Variants in AKR1D1 observed in about 807,000 individuals in gnomAD.
The protein encoded by AKR1D1 is delta(4)-3-ketosteroid 5-beta-reductase.
In AKR1D1, 32 loss-of-function variants were observed where a neutral mutation model predicts 42.6. That is an observed-to-expected ratio of 0.75 (90% CI 0.57 to 1.01). The LOEUF (loss-of-function observed/expected upper bound fraction) is 1.01, where lower values mean the gene tolerates loss of function less well. AKR1D1 is among the 50% of genes least tolerant of loss of function. The probability of loss-of-function intolerance (pLI) is 0.00; values close to 1 mark genes in which losing one functional copy is unlikely to be tolerated. For missense variants in AKR1D1, 364 were observed against 402.2 expected (o/e 0.91, Z 0.81); for synonymous variants, 123 against 135.5 (o/e 0.91, Z 0.64).
intron 6 of AKR1D1, chr7:138,107,165 A>G: frequency 3.1e-6 from 2 of 645,048 alleles, no homozygotes. Flanking sequence ...TCTCTCTATA[A>G]GACTCATCAA....
At chr7:138,096,330 A>C (rs914836136) in intron 3 of AKR1D1, among the ~76,000 whole-genome samples, 1 of 152,194 alleles carries the variant, frequency 6.6e-6, no homozygotes, top group Admixed American at 6.5e-5. Context: ...ATTGGCTCAA[A>C]GTTCTAGAAG....
At chr7:138,096,085 G>A (rs1376174413) in intron 3 of AKR1D1, among the ~76,000 whole-genome samples, 1 of 151,840 alleles carries the variant, frequency 6.6e-6, no homozygotes, top group Non-Finnish European at 1.5e-5. Flanking sequence ...CACACCTGTA[G>A]TCCCAGCTGC....
intron 3 of AKR1D1, among the ~76,000 whole-genome samples, chr7:138,093,137 C>T (rs868786086): frequency 4.7e-5 from 7 of 149,490 alleles, no homozygotes; most frequent in Admixed American, 6.7e-5. Flanking sequence ...GGTGCCATCT[C>T]GGCTCACTGC....
intron 1 of AKR1D1, among the ~76,000 whole-genome samples, chr7:138,080,647 T>C (rs1333814462): frequency 3.9e-5 from 6 of 152,198 alleles, no homozygotes; most frequent in Non-Finnish European, 8.8e-5. Flanking sequence ...ACTCTAGGGA[T>C]TTCCTGTCTA....
rs1794641113 is a variant in AKR1D1, at chr7:138,116,700, A to T, written c.*38A>T. The T allele has an allele frequency of 1.3e-6, 2 of 1,594,194 alleles. No homozygotes were observed. The highest frequency in any genetic ancestry group is 2.2e-5 in the South Asian group (2 of 90,726). On this transcript the variant is annotated 3_prime_UTR_variant, in exon 9 of 9. Coordinates refer to ENST00000242375, the MANE Select transcript of AKR1D1 (RefSeq NM_005989.4). Reference sequence around the variant, plus strand: ...CCTGAACAGATTTTTCACTCCCACGAGTGCCAAGACGGTGCAATGGGTAGT... The same window carrying T: ...CCTGAACAGATTTTTCACTCCCACGTGTGCCAAGACGGTGCAATGGGTAGT...
chr7:138,107,239 C>T, intron 6 of AKR1D1, 176 bp from the exon 7 acceptor site: 1 of 783,000 alleles, frequency 1.3e-6, no homozygotes, highest in Non-Finnish European at 2.3e-6. Context: ...TCTTCCCATA[C>T]TACGAGTAAC....
chr7:138,112,658 A>G (rs1030370830), intron 7 of AKR1D1, among the ~76,000 whole-genome samples: 7 of 152,070 alleles, frequency 4.6e-5, no homozygotes, highest in Non-Finnish European at 1.0e-4. Context: ...GGGTCTATGT[A>G]CTTCTACAGT....
intron 3 of AKR1D1, among the ~76,000 whole-genome samples, chr7:138,093,844 G>A (rs1794134973): frequency 6.6e-6 from 1 of 152,220 alleles, no homozygotes; most frequent in African/African-American, 2.4e-5. Context: ...CAGTTGGTTT[G>A]TTTACACCAG....
chr7:138,077,098 G>C (rs1802953950), intron 1 of AKR1D1, among the ~76,000 whole-genome samples: 1 of 152,156 alleles, frequency 6.6e-6, no homozygotes, highest in Non-Finnish European at 1.5e-5. Flanking sequence ...ACTAATTGTA[G>C]AATGACCAAG....
intron 3 of AKR1D1, among the ~76,000 whole-genome samples, chr7:138,093,530 T>A (rs1006073624): frequency 6.6e-6 from 1 of 152,152 alleles, no homozygotes; most frequent in Non-Finnish European, 1.5e-5. Context: ...TCAATATCAG[T>A]GTCTTCCACG....
chr7:138,088,846 G>A lies in AKR1D1; in HGVS notation c.261+78G>A, dbSNP rs1398798571. On this transcript the variant is annotated intron_variant, in intron 2 of 8. Transcript: ENST00000242375. ...TCATTTTATTATTCATCTTCCGTGT[G>A]TGTGTGTGTGTAATTGCACTCATGA... 4 of 1,424,206 alleles carry A rather than the reference G, an allele frequency of 2.8e-6. No individual in the cohort carries two copies. In the Admixed American group the frequency reaches 7.9e-5, roughly 28 times the overall value. 88.2% of individuals were successfully genotyped at this position (1,424,206 alleles called of 1,614,324 possible). A position where few individuals can be genotyped will look rare whatever the true frequency, so the allele number is the denominator to read the frequency against.
intron 1 of AKR1D1, among the ~76,000 whole-genome samples, chr7:138,080,563 G>C (rs1470475913): frequency 6.6e-6 from 1 of 152,104 alleles, no homozygotes; most frequent in Non-Finnish European, 1.5e-5. Flanking sequence ...TTAATATTTG[G>C]AATATGCATA....
At chr7:138,080,035 A>T (rs1803020741) in intron 1 of AKR1D1, among the ~76,000 whole-genome samples, 1 of 152,132 alleles carries the variant, frequency 6.6e-6, no homozygotes, top group African/African-American at 2.4e-5. Flanking sequence ...GCCCCTCCCC[A>T]TTCTGGGCCT....
chr7:138,097,762 A>T, intron 3 of AKR1D1, 104 bp from the exon 4 acceptor site: 1 of 974,714 alleles, frequency 1.0e-6, no homozygotes, highest in Non-Finnish European at 1.5e-6. Flanking sequence ...AACAATAGAC[A>T]TTGATTGCTC....
intron 5 of AKR1D1, 149 bp downstream of exon 5, chr7:138,105,578 TA>T: frequency 8.0e-7 from 1 of 1,242,274 alleles, no homozygotes; most frequent in South Asian, 1.4e-5. Context: ...GACTTCTTTC[TA>T]TTGGTGTCAC....
At chr7:138,090,497 CG>C (rs1383841021) in intron 2 of AKR1D1, among the ~76,000 whole-genome samples, 1 of 151,782 alleles carries the variant, frequency 6.6e-6, no homozygotes, top group Non-Finnish European at 1.5e-5. Context: ...ATTAGCCAGG[CG>C]TGGTAGCAGG....
intron 8 of AKR1D1, among the ~76,000 whole-genome samples, chr7:138,115,889 C>T (rs930851248): frequency 1.2e-4 from 18 of 152,188 alleles, no homozygotes; most frequent in African/African-American, 4.1e-4. Context: ...CTTTCTAGAT[C>T]TCAAACTCTC....
At chr7:138,094,516 GA>G (rs200123483) in intron 3 of AKR1D1, among the ~76,000 whole-genome samples, 5 of 149,004 alleles carry the variant, frequency 3.4e-5, no homozygotes, top group Non-Finnish European at 6.0e-5. Context: ...CCCTGTCTTG[GA>G]AAAAAAAAGA....
rs753124330 is a variant in AKR1D1, at chr7:138,105,359, A to G, written c.509A>G (p.Asn170Ser). 14 of 1,613,956 alleles carry G rather than the reference A, an allele frequency of 8.7e-6. No individual in the cohort carries two copies. The highest frequency in any genetic ancestry group is 3.3e-5 in the South Asian group (3 of 91,066). ...AGLVKSLGVSNFNRRQLELIL... is the reference protein window; with the variant it reads ...AGLVKSLGVSSFNRRQLELIL... ...TTGGTGAAATCCCTGGGAGTGTCCA[A>G]TTTTAACCGCAGGCAGCTGGAGCTC... Residue 170 changes from asparagine (N) to serine (S), a missense_variant, in exon 5 of 9, where the codon AAT becomes AGT. Coordinates refer to ENST00000242375, the MANE Select transcript of AKR1D1 (RefSeq NM_005989.4).
Sources: allele counts gnomAD v4.1 joint callset (sites outside exome capture counted in the v4.1 genomes callset), GRCh38; gene constraint gnomAD v4.1.1; transcripts MANE v1.5; gene names NCBI Gene and HGNC (gene_info 2026-07-23, HGNC 2026-07-21).